TAMM41: variants seen among roughly 807,000 people sequenced by gnomAD.
The protein encoded by TAMM41 is phosphatidate cytidylyltransferase, mitochondrial.
Under a neutral mutation model 44.1 loss-of-function variants are expected in TAMM41, and 36 were observed. The observed-to-expected ratio is 0.82, with a 90% confidence interval of 0.63 to 1.08. The LOEUF is 1.08. Ranked by LOEUF, TAMM41 falls within the 50% of genes least tolerant of loss-of-function variation. TAMM41 has a pLI of 0.00. For missense variants in TAMM41, 417 were observed against 404.3 expected, an observed-to-expected ratio of 1.03 and a Z score of -0.27; for synonymous variants, 164 against 153.1, an observed-to-expected ratio of 1.07 and a Z score of -0.53.
chr3:11,820,424 A>C (rs112459556), intron 4 of TAMM41, among the ~76,000 whole-genome samples: 2,213 of 152,304 alleles, frequency 0.015, 36 homozygotes, highest in South Asian at 0.05. Context: ...TCTTCCCCCT[A>C]AAAGAACAAT....
intron 2 of TAMM41, chr3:11,843,780 G>A: frequency 2.1e-6 from 1 of 471,796 alleles, no homozygotes; most frequent in Non-Finnish European, 3.7e-6. Context: ...TGCAATGACA[G>A]TTAATGGGAC....
chr3:11,794,543 T>C (rs2077560291), intron 7 of TAMM41, among the ~76,000 whole-genome samples: 1 of 152,192 alleles, frequency 6.6e-6, no homozygotes, highest in South Asian at 2.1e-4. Context: ...GCATTCCCTG[T>C]AGAGAGATCC....
intron 3 of TAMM41, among the ~76,000 whole-genome samples, chr3:11,832,058 A>C (rs1480316366): frequency 6.6e-6 from 1 of 152,256 alleles, no homozygotes; most frequent in Non-Finnish European, 1.5e-5. Flanking sequence ...TTTACTTGGC[A>C]AATTCAGCTC....
intron 7 of TAMM41, chr3:11,807,578 A>G: frequency 1.3e-6 from 2 of 1,536,180 alleles, no homozygotes; most frequent in Non-Finnish European, 1.7e-6. Context: ...AAAACCCTGC[A>G]CACAGGAAGT....
chr3:11,846,307 C>T (rs909460492), intron 1 of TAMM41, among the ~76,000 whole-genome samples, 195 bp downstream of exon 1: 3 of 152,240 alleles, frequency 2.0e-5, no homozygotes, highest in South Asian at 4.1e-4. Context: ...CACGTGGATT[C>T]CTAAGTATCC....
chr3:11,729,538 CAT>C, the TAMM41 span, among the ~76,000 whole-genome samples: 9 of 65,524 alleles, frequency 1.4e-4, no homozygotes, highest in South Asian at 5.6e-4. Context: ...TTCTTTCTTT[CAT>C]TTTTTTTTTT....
At chr3:11,738,002 CA>C in the TAMM41 span, among the ~76,000 whole-genome samples, 13 of 152,310 alleles carry the variant, frequency 8.5e-5, no homozygotes, top group African/African-American at 3.1e-4. Flanking sequence ...GCTCTTATGT[CA>C]TTTAGCTAGG....
At chr3:11,761,628 C>T in the TAMM41 span, among the ~76,000 whole-genome samples, 1 of 152,080 alleles carries the variant, frequency 6.6e-6, no homozygotes, top group African/African-American at 2.4e-5. Context: ...TATCTGTGCA[C>T]GTGCATGTGC....
At chr3:11,844,310 T>C (rs2079577516) in intron 1 of TAMM41, 99 bp from the exon 2 acceptor site, 1 of 1,128,438 alleles carries the variant, frequency 8.9e-7, no homozygotes. Flanking sequence ...TTATGATCAA[T>C]AGTCAGAAGG....
chr3:11,814,055 G>A (rs1177779158), intron 5 of TAMM41, among the ~76,000 whole-genome samples: 1 of 151,750 alleles, frequency 6.6e-6, no homozygotes, highest in Non-Finnish European at 1.5e-5. Flanking sequence ...GCATGGGCCT[G>A]TAGTCGCAGC....
the TAMM41 span, among the ~76,000 whole-genome samples, chr3:11,735,591 T>C: frequency 6.6e-6 from 1 of 151,602 alleles, no homozygotes; most frequent in African/African-American, 2.4e-5. Context: ...GCTGTGTTCA[T>C]GTCATTGCAC....
intron 7 of TAMM41, among the ~76,000 whole-genome samples, chr3:11,794,815 G>A (rs906914825): frequency 4.6e-5 from 7 of 152,142 alleles, no homozygotes; most frequent in African/African-American, 1.7e-4. Context: ...GGCTGTGAAA[G>A]ATCTCTATCT....
In TAMM41 at chr3:11,809,690, G is replaced by A. The variant is rs1372963052; in HGVS notation, c.709-8C>T. ...TTCTGGGCTTTTATCTATCTGAAGG[G>A]AGGAAAAAAAAGACGACGTCTATGG... On this transcript the variant is annotated splice_polypyrimidine_tract_variant and splice_region_variant and intron_variant, in intron 5 of 7. Coordinates refer to ENST00000455809, the MANE Select transcript of TAMM41 (RefSeq NM_001284401.2). 1 of 1,589,776 alleles carries A rather than the reference G, an allele frequency of 6.3e-7. No individual in the cohort carries two copies. Among genetic ancestry groups the A allele is most frequent in the Admixed American group, 1.9e-5 (1 of 51,308 alleles).
the TAMM41 span, chr3:11,724,821 AC>A: frequency 6.6e-6 from 1 of 152,242 alleles, no homozygotes; most frequent in East Asian, 1.9e-4. Context: ...TTGTGCTCTC[AC>A]CCATCGACTG....
the TAMM41 span, among the ~76,000 whole-genome samples, chr3:11,765,885 A>T: frequency 6.6e-6 from 1 of 152,024 alleles, no homozygotes; most frequent in Non-Finnish European, 1.5e-5. Flanking sequence ...TATTTTTAGT[A>T]GAGACTGGGT....
chr3:11,822,125 C>T lies in TAMM41; in HGVS notation c.563-4788G>A, dbSNP rs538697459. On this transcript the variant is annotated intron_variant, in intron 4 of 7. Coordinates refer to ENST00000455809, the MANE Select transcript of TAMM41 (RefSeq NM_001284401.2). ...TCCAAAATCTAAAATACTTCTGGCC[C>T]CAAGTATTTCAGATAAGGGATACTC... is the stretch of plus-strand genomic sequence containing the variant. 3.7e-4 allele frequency among the ~76,000 whole-genome samples: 56 copies of T among 152,110 alleles called. No homozygotes were observed. In the South Asian group the frequency reaches 4.8e-3, roughly 13 times the overall value.
At chr3:11,729,722 G>A in the TAMM41 span, among the ~76,000 whole-genome samples, 2 of 151,354 alleles carry the variant, frequency 1.3e-5, no homozygotes, top group South Asian at 2.1e-4. Context: ...ACCACACCCG[G>A]CTAATTTTTG....
intron 7 of TAMM41, among the ~76,000 whole-genome samples, chr3:11,793,577 G>A (rs775424846): frequency 1.3e-5 from 2 of 152,102 alleles, no homozygotes; most frequent in Admixed American, 6.6e-5. Flanking sequence ...AGTCCCAAGC[G>A]GGAACAACCC....
intron 4 of TAMM41, 72 bp downstream of exon 4, chr3:11,829,642 A>C: frequency 6.5e-7 from 1 of 1,547,736 alleles, no homozygotes; most frequent in South Asian, 1.1e-5. Flanking sequence ...GGGCCGAGTG[A>C]GAACAGGATA....
Sources: gnomAD v4.1 joint callset for allele counts (sites outside exome capture counted in the v4.1 genomes callset) on GRCh38, gnomAD v4.1.1 for gene constraint, MANE v1.5 for transcripts, NCBI Gene and HGNC (gene_info 2026-07-23, HGNC 2026-07-21) for gene names.